Variants in ABHD2 observed in about 807,000 individuals in gnomAD.
The protein encoded by ABHD2 is abhydrolase domain containing 2, acylglycerol lipase.
ABHD2 carries 20 observed loss-of-function variants against 48.1 expected under a neutral mutation model. That is an observed-to-expected ratio of 0.42 (90% CI 0.29 to 0.60). ABHD2 has a LOEUF of 0.60. Among genes scored for constraint, ABHD2 ranks in the 20% least tolerant of loss-of-function variants. ABHD2 has a pLI of 0.24. For synonymous variants in ABHD2, 209 were observed against 214.2 expected, an observed-to-expected ratio of 0.98 and a Z score of 0.21; for missense variants, 405 against 550.9, an observed-to-expected ratio of 0.74 and a Z score of 2.65.
At position 89,196,045 on chromosome 15, in the gene ABHD2, A is replaced by AATTC. The variant is rs1272753584; in HGVS notation, c.*624_*627dup. 1 of 152,586 alleles carries AATTC rather than the reference A, an allele frequency of 6.6e-6. No homozygotes were observed. The highest frequency in any genetic ancestry group is 1.9e-4 in the East Asian group (1 of 5,186). The allele number at this position is 152,586 out of a possible 1,614,324, so 9.5% of individuals were successfully genotyped here. ...AGAGTTACGTGAGGCACTTGTTAAAAATTCAGCCTCCCAGGTCCCTCCCCT... is the reference window on the plus strand; with the variant it reads ...AGAGTTACGTGAGGCACTTGTTAAAAATTCATTCAGCCTCCCAGGTCCCTCCCCT... On this transcript the variant is annotated 3_prime_UTR_variant, in exon 11 of 11. Coordinates refer to ENST00000352732, the MANE Select transcript of ABHD2 (RefSeq NM_152924.5).
chr15:89,049,349 T>C, the ABHD2 span, among the ~76,000 whole-genome samples: 14 of 152,258 alleles, frequency 9.2e-5, no homozygotes, highest in African/African-American at 3.4e-4. Flanking sequence ...TTTGTTTGTC[T>C]GTGCCCTGCC....
the ABHD2 span, among the ~76,000 whole-genome samples, chr15:89,043,558 GAGAGGA>G: frequency 6.7e-6 from 1 of 148,594 alleles, no homozygotes; most frequent in Admixed American, 6.7e-5. Flanking sequence ...GAAGGAGGAG[GAGAGGA>G]AGAGGAAGAA....
At position 89,177,440 on chromosome 15, in the gene ABHD2, T is replaced by C. The variant is rs902490993; in HGVS notation, c.722+1445T>C. ...GGAGGATCATGTTAGAAAGAAATTCTGTTTCTTGGGCCCCACCCTTGGAGA... is the reference window on the plus strand; with the variant it reads ...GGAGGATCATGTTAGAAAGAAATTCCGTTTCTTGGGCCCCACCCTTGGAGA... On this transcript the variant is annotated intron_variant, in intron 6 of 10. Transcript: ENST00000352732. The surrounding 1 kb of genome is among the most constrained non-coding windows in gnomAD (Gnocchi z 5.6). Among the ~76,000 whole-genome samples the C allele has an allele frequency of 3.0e-4, 45 of 152,220 alleles. No individual in the cohort carries two copies. Among genetic ancestry groups the C allele is most frequent in the African/African-American group, 1.1e-3 (44 of 41,462 alleles).
chr15:89,046,831 A>T, the ABHD2 span, among the ~76,000 whole-genome samples: 1 of 151,288 alleles, frequency 6.6e-6, no homozygotes, highest in African/African-American at 2.4e-5. Context: ...AATTTTGTTG[A>T]TCCTTTCAAA....
the ABHD2 span, among the ~76,000 whole-genome samples, chr15:89,075,553 T>C: frequency 6.6e-6 from 1 of 150,890 alleles, no homozygotes; most frequent in Non-Finnish European, 1.5e-5. This position sits in a 1 kb window ranked among gnomAD's most constrained non-coding sequence, Gnocchi z 4.1. Flanking sequence ...AGAGGGAAGG[T>C]AGAAAGGAAG....
chr15:89,141,710 G>T (rs2050405836), intron 3 of ABHD2, among the ~76,000 whole-genome samples: 1 of 152,078 alleles, frequency 6.6e-6, no homozygotes, highest in South Asian at 2.1e-4. Context: ...TTTAGTACTT[G>T]CCTGAGCCCC....
chr15:89,161,787 C>G (rs190381573), intron 5 of ABHD2, among the ~76,000 whole-genome samples: 56 of 152,312 alleles, frequency 3.7e-4, no homozygotes, highest in African/African-American at 1.2e-3. Context: ...GATACACAGG[C>G]TCTTTGTAAA....
At chr15:89,154,070 T>A (rs781204045) in intron 4 of ABHD2, among the ~76,000 whole-genome samples, 1 of 152,178 alleles carries the variant, frequency 6.6e-6, no homozygotes, top group Non-Finnish European at 1.5e-5. Context: ...ATTTACTAGG[T>A]CGAAGCTTAT....
At chr15:89,052,761 C>A in the ABHD2 span, among the ~76,000 whole-genome samples, 2 of 152,100 alleles carry the variant, frequency 1.3e-5, no homozygotes, top group African/African-American at 2.4e-5. Flanking sequence ...ACTTCAGCCT[C>A]CAGAACTGTG....
At chr15:89,084,712 G>C (rs567201365), upstream of ABHD2, among the ~76,000 whole-genome samples, 2 of 152,196 alleles carry the variant, frequency 1.3e-5, no homozygotes, top group African/African-American at 2.4e-5. The surrounding 1 kb of genome is among the most constrained non-coding windows in gnomAD (Gnocchi z 4.4). Flanking sequence ...TTAGAGGAAG[G>C]TTCTGAAATG....
intron 1 of ABHD2, among the ~76,000 whole-genome samples, chr15:89,103,522 C>T (rs533827787): frequency 2.0e-5 from 3 of 152,278 alleles, no homozygotes; most frequent in East Asian, 3.9e-4. Flanking sequence ...CCAAAACCTT[C>T]GCCCCTGTGT....
rs1426335332 is a variant in ABHD2, at chr15:89,186,941, A to G, written c.816-1252A>G. ...CATGTCCTTGTGTCCTCGTGTCTGG[A>G]AGGAGAGCAGAGGGAGACTTATGTC... On this transcript the variant is annotated intron_variant, in intron 7 of 10. Transcript: ENST00000352732. This position sits in a 1 kb window ranked among gnomAD's most constrained non-coding sequence, Gnocchi z 4.3. Among the ~76,000 whole-genome samples, 1 of 152,110 alleles carries G rather than the reference A, an allele frequency of 6.6e-6. No homozygotes were observed. The highest frequency in any genetic ancestry group is 1.9e-4 in the East Asian group (1 of 5,194).
In ABHD2 at chr15:89,201,562, G is replaced by C; in HGVS notation, c.*6139G>C. ...TCATTCGGATCATAGTCAAAGGGCT[G>C]TAGCATTACTGAAACAGTCACAGTT... is the stretch of plus-strand genomic sequence containing the variant. On this transcript the variant is annotated 3_prime_UTR_variant, in exon 11 of 11. Coordinates refer to ENST00000352732, the MANE Select transcript of ABHD2 (RefSeq NM_152924.5). 6.3e-7 allele frequency: 1 copy of C among 1,597,856 alleles called. No homozygotes were observed. Among genetic ancestry groups the C allele is most frequent in the Non-Finnish European group, 8.6e-7 (1 of 1,165,316 alleles).
chr15:89,056,994 A>G, the ABHD2 span, among the ~76,000 whole-genome samples: 1 of 145,798 alleles, frequency 6.9e-6, no homozygotes, highest in South Asian at 2.1e-4. Flanking sequence ...GCTCACTGCA[A>G]TCTCCGCCTC....
chr15:89,115,715 G>A (rs746120575), intron 2 of ABHD2, among the ~76,000 whole-genome samples: 5 of 152,148 alleles, frequency 3.3e-5, no homozygotes, highest in African/African-American at 1.2e-4. Flanking sequence ...CCAGCACTGG[G>A]GAGCCTGTGG....
chr15:89,131,740 A>G (rs1219628167), intron 3 of ABHD2, among the ~76,000 whole-genome samples: 1 of 152,240 alleles, frequency 6.6e-6, no homozygotes, highest in African/African-American at 2.4e-5. Flanking sequence ...TTATAATTTT[A>G]TAAACACTGA....
At chr15:89,143,528 A>C (rs922227362) in intron 3 of ABHD2, among the ~76,000 whole-genome samples, 2 of 152,080 alleles carry the variant, frequency 1.3e-5, no homozygotes, top group African/African-American at 2.4e-5. Flanking sequence ...TTAGCTGGGC[A>C]TAGTGGTGCA....
chr15:89,077,426 C>A, the ABHD2 span, among the ~76,000 whole-genome samples: 2 of 152,140 alleles, frequency 1.3e-5, no homozygotes, highest in African/African-American at 4.8e-5. Flanking sequence ...TAAGCTATTA[C>A]GAATGGTGCT....
At chr15:89,098,028 C>A (rs1161654380) in intron 1 of ABHD2, among the ~76,000 whole-genome samples, 1 of 152,058 alleles carries the variant, frequency 6.6e-6, no homozygotes, top group South Asian at 2.1e-4. Flanking sequence ...GTAGTTAGGA[C>A]TACATCACAC....
Sources: allele counts gnomAD v4.1 joint callset (sites outside exome capture counted in the v4.1 genomes callset), GRCh38; gene constraint gnomAD v4.1.1; non-coding constraint Gnocchi (gnomAD v3.1); transcripts MANE v1.5; gene names NCBI Gene and HGNC (gene_info 2026-07-23, HGNC 2026-07-21).